Variants in ABCC1 observed in about 807,000 individuals in gnomAD.
The protein encoded by ABCC1 is ATP binding cassette subfamily C member 1 (ABCC1 blood group).
In ABCC1, 83 loss-of-function variants were observed where a neutral mutation model predicts 172.9. That is an observed-to-expected ratio of 0.48 (90% confidence interval 0.40 to 0.58). ABCC1 has a LOEUF of 0.58. Among genes scored for constraint, ABCC1 ranks in the 20% least tolerant of loss-of-function variants. The probability of loss-of-function intolerance (pLI) is 0.00; values close to 1 mark genes in which losing one functional copy is unlikely to be tolerated. For missense variants in ABCC1, 1,817 were observed against 2,002.7 expected, an observed-to-expected ratio of 0.91 and a Z score of 1.77; for synonymous variants, 937 against 825.2, an observed-to-expected ratio of 1.14 and a Z score of -2.32.
In ABCC1 at chr16:16,061,722, G is replaced by T. The variant is rs984461227; in HGVS notation, c.1677+5427G>T. Among the ~76,000 whole-genome samples, 4 of 149,292 alleles carry T rather than the reference G, an allele frequency of 2.7e-5. No individual in the cohort carries two copies. The East Asian group carries it at 7.8e-4, about 29-fold the overall frequency. ...TTACTTTACTTTTATACAAGTGATA[G>T]TAAGAGTCATACATAAATACATACA... On this transcript the variant is annotated intron_variant, in intron 12 of 30. Transcript: ENST00000399410.
chr16:16,009,979 G>T, intron 3 of ABCC1, 78 bp downstream of exon 3: 2 of 1,053,646 alleles, frequency 1.9e-6, no homozygotes, highest in Non-Finnish European at 2.4e-6. Flanking sequence ...CGTAAGACTA[G>T]AATCATAGTT....
chr16:16,068,796 G>A (rs2050211937), intron 13 of ABCC1, among the ~76,000 whole-genome samples: 1 of 151,954 alleles, frequency 6.6e-6, no homozygotes, highest in African/African-American at 2.4e-5. Context: ...AGACCAGCCT[G>A]GCCAACATAG....
At position 15,956,328 on chromosome 16, in the gene ABCC1, G is replaced by A. The variant is rs144706525; in HGVS notation, c.48+6529G>A. Among the ~76,000 whole-genome samples the A allele has an allele frequency of 3.3e-3, 499 of 151,714 alleles. 1 individual carries two copies. Among genetic ancestry groups the A allele is most frequent in the African/African-American group, 0.01 (419 of 41,338 alleles). On this transcript the variant is annotated intron_variant, in intron 1 of 30. Coordinates refer to ENST00000399410, the MANE Select transcript of ABCC1 (RefSeq NM_004996.4). ...TGCAGTGAGCCGAGATCGCGCCATT[G>A]CACTCCAGCTTGGGTGACAGAGTAA...
At chr16:16,058,202 G>C (rs2049753118) in intron 12 of ABCC1, among the ~76,000 whole-genome samples, 1 of 152,194 alleles carries the variant, frequency 6.6e-6, no homozygotes, top group African/African-American at 2.4e-5. Flanking sequence ...ACCATACAGA[G>C]ATGGACTTTG....
At chr16:16,011,452 A>C (rs1356320258) in intron 3 of ABCC1, among the ~76,000 whole-genome samples, 1 of 152,026 alleles carries the variant, frequency 6.6e-6, no homozygotes, top group Non-Finnish European at 1.5e-5. Context: ...GCCAAGGACC[A>C]TGAATCTTTA....
intron 1 of ABCC1, among the ~76,000 whole-genome samples, chr16:16,007,214 TTGTGTGTGTG>T (rs71388788): frequency 6.9e-6 from 1 of 145,772 alleles, no homozygotes; most frequent in African/African-American, 2.6e-5. Context: ...GTATGCACTG[TTGTGTGTGTG>T]TGTGTGTGTG....
rs1342528686 is a variant in ABCC1, at chr16:16,104,265, C to G, written c.2735+1548C>G. Among the ~76,000 whole-genome samples the G allele has an allele frequency of 3.3e-5, 5 of 152,164 alleles. No individual in the cohort carries two copies. The East Asian group carries it at 9.6e-4, about 29-fold the overall frequency. On this transcript the variant is annotated intron_variant, in intron 20 of 30. Coordinates refer to ENST00000399410, the MANE Select transcript of ABCC1 (RefSeq NM_004996.4). ...GGCTCTGGCAGCCAGCTTTTATTCTCTTATCTGGCCCTACCCACATCCTGC... is the reference window on the plus strand; with the variant it reads ...GGCTCTGGCAGCCAGCTTTTATTCTGTTATCTGGCCCTACCCACATCCTGC...
chr16:16,105,621 A>G (rs2052048406), intron 20 of ABCC1, among the ~76,000 whole-genome samples: 2 of 151,948 alleles, frequency 1.3e-5, no homozygotes, highest in African/African-American at 4.8e-5. Context: ...CTTGTGCAGG[A>G]GATAAGTGGG....
intron 5 of ABCC1, among the ~76,000 whole-genome samples, chr16:16,028,967 G>T (rs6498597): frequency 6.6e-6 from 1 of 151,954 alleles, no homozygotes; most frequent in Non-Finnish European, 1.5e-5. Context: ...TGGCTGTCAG[G>T]GTCCTCCCCC....
chr16:16,079,386 G>T lies in ABCC1; in HGVS notation c.2023G>T (p.Ala675Ser), dbSNP rs2050715692. Residue 675 changes from alanine (A) to serine (S), a missense_variant, in exon 16 of 31, where the codon GCC becomes TCC. This residue lies in a region of ABCC1 where 1,412 missense variants were observed against 1,600.3 expected (regional missense o/e 0.88). Coordinates refer to ENST00000399410, the MANE Select transcript of ABCC1 (RefSeq NM_004996.4). ...TFSIPEGALVAVVGQVGCGKS... is the reference protein window; with the variant it reads ...TFSIPEGALVSVVGQVGCGKS... ...CTCCATCCCCGAAGGTGCTTTGGTG[G>T]CCGTGGTGGGCCAGGTGGGCTGCGG... 1.2e-6 allele frequency: 2 copies of T among 1,614,002 alleles called. No homozygotes were observed.
At chr16:15,993,694 C>T (rs910085896) in intron 1 of ABCC1, among the ~76,000 whole-genome samples, 4 of 129,942 alleles carry the variant, frequency 3.1e-5, no homozygotes, top group Non-Finnish European at 6.1e-5. Context: ...GTGGTGGAGA[C>T]GGGAACCTAG....
intron 5 of ABCC1, among the ~76,000 whole-genome samples, chr16:16,025,097 C>T (rs995179023): frequency 6.6e-6 from 1 of 152,132 alleles, no homozygotes; most frequent in African/African-American, 2.4e-5. Context: ...AGGTCCTGGG[C>T]AGGGAGGCAT....
chr16:16,049,013 T>C (rs977867985), intron 10 of ABCC1, among the ~76,000 whole-genome samples: 3 of 149,488 alleles, frequency 2.0e-5, no homozygotes, highest in Non-Finnish European at 3.0e-5. Flanking sequence ...CCTAAGTAAA[T>C]AGAGGGAACT....
chr16:16,047,232 A>G (rs527526379), intron 9 of ABCC1, among the ~76,000 whole-genome samples: 1 of 152,232 alleles, frequency 6.6e-6, no homozygotes, highest in African/African-American at 2.4e-5. Flanking sequence ...CCTAGGTTGC[A>G]CCAGACCAGT....
chr16:16,056,969 C>T (rs1430762927), intron 12 of ABCC1, among the ~76,000 whole-genome samples: 1 of 152,010 alleles, frequency 6.6e-6, no homozygotes, highest in Admixed American at 6.6e-5. Context: ...TATTTTGTCA[C>T]CAACTGGTCA....
At chr16:15,990,853 T>TG (rs2067202599) in intron 1 of ABCC1, among the ~76,000 whole-genome samples, 1 of 142,182 alleles carries the variant, frequency 7.0e-6, no homozygotes, top group Non-Finnish European at 1.5e-5. Flanking sequence ...TTAGTAGAGA[T>TG]GGGGTTTCAC....
At chr16:16,076,546 A>G (rs2050580936) in intron 15 of ABCC1, 145 bp downstream of exon 15, 1 of 735,722 alleles carries the variant, frequency 1.4e-6, no homozygotes, top group East Asian at 2.9e-5. Context: ...ACCCATCTGG[A>G]CAATGGGTGC....
At chr16:16,094,814 C>CTTT (rs895974418) in intron 19 of ABCC1, among the ~76,000 whole-genome samples, 30 of 120,610 alleles carry the variant, frequency 2.5e-4, no homozygotes, top group East Asian at 4.6e-4. Flanking sequence ...TGCGCCTGGC[C>CTTT]TTTTTTTTTT....
In ABCC1 at chr16:15,949,627, C is replaced by A; in HGVS notation, c.-125C>A. 1.5e-6 allele frequency: 1 copy of A among 657,512 alleles called. No individual in the cohort carries two copies. Among genetic ancestry groups the A allele is most frequent in the Non-Finnish European group, 1.9e-6 (1 of 531,770 alleles). The allele number at this position is 657,512 out of a possible 1,614,324, so 40.7% of individuals were successfully genotyped here. ...CGGCTCCCTGCGCCGCCGCCGCCGC[C>A]GCCGCCAGCGCTAGCGCCAGCAGCC... On this transcript the variant is annotated 5_prime_UTR_variant, in exon 1 of 31. Transcript: ENST00000399410.
Sources: allele counts gnomAD v4.1 joint callset (sites outside exome capture counted in the v4.1 genomes callset), GRCh38; gene constraint gnomAD v4.1.1; regional missense constraint gnomAD v4.1.1; transcripts MANE v1.5; gene names NCBI Gene and HGNC (gene_info 2026-07-23, HGNC 2026-07-21).